MCTP2: variants seen among roughly 807,000 people sequenced by gnomAD.
MCTP2 encodes multiple C2 and transmembrane domain-containing protein 2.
A neutral mutation model predicts 111.6 loss-of-function variants in MCTP2; 132 were observed. That is an observed-to-expected ratio of 1.18 (90% CI 1.03 to 1.37). MCTP2 has a LOEUF of 1.37. Ranked by LOEUF, MCTP2 falls within the 40% of genes most tolerant of loss-of-function variation. The pLI is 0.00. For missense variants in MCTP2, 1,183 were observed against 1,067.9 expected (o/e 1.11, Z -1.50); for synonymous variants, 395 against 387.7 (o/e 1.02, Z -0.22).
chr15:94,336,394 T>C (rs2077362368), intron 4 of MCTP2, among the ~76,000 whole-genome samples: 1 of 151,940 alleles, frequency 6.6e-6, no homozygotes, highest in Non-Finnish European at 1.5e-5. Context: ...CTTTGTGTTA[T>C]ATTTCTGGGT....
chr15:94,347,849 G>A (rs528163592), intron 8 of MCTP2, among the ~76,000 whole-genome samples: 1 of 152,088 alleles, frequency 6.6e-6, no homozygotes, highest in South Asian at 2.1e-4. Flanking sequence ...ATTACTGATT[G>A]TGTTCAGAAA....
intron 7 of MCTP2, chr15:94,343,742 A>G (rs2077794870): frequency 1.3e-5 from 2 of 152,178 alleles, no homozygotes; most frequent in Non-Finnish European, 2.9e-5. Flanking sequence ...TAACCTCTCT[A>G]AGCTATAATT....
chr15:94,266,307 A>C (rs1033763547), intron 1 of MCTP2, among the ~76,000 whole-genome samples: 3 of 152,188 alleles, frequency 2.0e-5, no homozygotes, highest in African/African-American at 7.2e-5. Flanking sequence ...TGTGAATTGC[A>C]TGCAAATATT....
chr15:94,467,341 TA>T (rs1222371823), intron 20 of MCTP2, among the ~76,000 whole-genome samples: 2 of 152,058 alleles, frequency 1.3e-5, no homozygotes, highest in Admixed American at 6.6e-5. Flanking sequence ...GTCTCCACTT[TA>T]AAAAAAATTT....
intron 20 of MCTP2, among the ~76,000 whole-genome samples, chr15:94,469,779 G>A (rs997133854): frequency 1.3e-5 from 2 of 152,086 alleles, no homozygotes; most frequent in African/African-American, 4.8e-5. Flanking sequence ...GGCTAAAGCA[G>A]GAGGATCGTT....
At chr15:94,242,690 T>A (rs1211370077) in intron 1 of MCTP2, among the ~76,000 whole-genome samples, 1 of 152,018 alleles carries the variant, frequency 6.6e-6, no homozygotes, top group East Asian at 1.9e-4. Context: ...GAAAGTTTTT[T>A]TTTAAACTTT....
At chr15:94,257,197 G>A (rs1190674974) in intron 1 of MCTP2, among the ~76,000 whole-genome samples, 5 of 152,050 alleles carry the variant, frequency 3.3e-5, no homozygotes, top group South Asian at 4.1e-4. Flanking sequence ...TCTCATTCTT[G>A]TCACTTAAGT....
At chr15:94,385,548 C>A (rs767392581) in intron 14 of MCTP2, 23 bp downstream of exon 14, 3 of 1,489,404 alleles carry the variant, frequency 2.0e-6, no homozygotes, top group Admixed American at 3.3e-5. Context: ...TATTAATAAA[C>A]AATTTGTGAG....
intron 1 of MCTP2, among the ~76,000 whole-genome samples, chr15:94,259,708 A>T (rs1272046401): frequency 6.6e-6 from 1 of 152,170 alleles, no homozygotes; most frequent in Admixed American, 6.5e-5. Context: ...CTCTGTGATG[A>T]TTATTTCTAC....
chr15:94,282,494 C>T (rs925776089), intron 1 of MCTP2, among the ~76,000 whole-genome samples: 77 of 152,186 alleles, frequency 5.1e-4, no homozygotes, highest in African/African-American at 1.7e-3. Context: ...TATATCTTGA[C>T]GAGTGAGCTT....
intron 1 of MCTP2, among the ~76,000 whole-genome samples, chr15:94,247,089 A>G (rs756200953): frequency 6.6e-6 from 1 of 152,156 alleles, no homozygotes; most frequent in Non-Finnish European, 1.5e-5. Context: ...TTATTAATTT[A>G]TATTTAAAAA....
At chr15:94,332,033 C>T (rs1356782062) in intron 4 of MCTP2, among the ~76,000 whole-genome samples, 3 of 152,172 alleles carry the variant, frequency 2.0e-5, no homozygotes, top group African/African-American at 7.2e-5. Context: ...TGGATAAAAC[C>T]ACTGGCTTGG....
At chr15:94,313,711 C>A (rs959850385) in intron 2 of MCTP2, among the ~76,000 whole-genome samples, 2 of 150,164 alleles carry the variant, frequency 1.3e-5, no homozygotes, top group Admixed American at 6.7e-5. Flanking sequence ...AAAAAAAAAA[C>A]AAACAAACAA....
intron 2 of MCTP2, among the ~76,000 whole-genome samples, chr15:94,301,549 T>C (rs2075612421): frequency 6.6e-6 from 1 of 152,230 alleles, no homozygotes; most frequent in Non-Finnish European, 1.5e-5. Flanking sequence ...GTCTTTGTTT[T>C]CTAAGCGTCT....
In MCTP2 at chr15:94,483,293, G is replaced by A. The variant is rs2074816649; in HGVS notation, c.*4259G>A. 1.3e-5 allele frequency: 2 copies of A among 152,088 alleles called. No homozygotes were observed. Among genetic ancestry groups the A allele is most frequent in the Admixed American group, 1.3e-4 (2 of 15,272 alleles). 9.4% of individuals were successfully genotyped at this position (152,088 alleles called of 1,614,324 possible). The stretch of plus-strand genomic sequence containing the variant: ...TTCAACCGCTGTGGAAGACAGGGTG[G>A]GTGTTTCCTCAAAAACCTAAAGACA... On this transcript the variant is annotated 3_prime_UTR_variant, in exon 23 of 23. Transcript: ENST00000357742.
intron 21 of MCTP2, among the ~76,000 whole-genome samples, chr15:94,472,165 G>A (rs554067553): frequency 1.5e-4 from 23 of 152,216 alleles, no homozygotes; most frequent in Non-Finnish European, 3.2e-4. Flanking sequence ...ATCACCCGAG[G>A]TCAGGAGTTC....
chr15:94,334,622 A>G (rs1156904158), intron 4 of MCTP2, among the ~76,000 whole-genome samples: 1 of 152,174 alleles, frequency 6.6e-6, no homozygotes, highest in East Asian at 1.9e-4. Context: ...GGTAAACTCT[A>G]AATCTTGGGC....
chr15:94,452,496 T>A (rs1274917699), intron 19 of MCTP2, among the ~76,000 whole-genome samples: 6 of 152,216 alleles, frequency 3.9e-5, no homozygotes, highest in Non-Finnish European at 8.8e-5. Flanking sequence ...AGCATTTGCT[T>A]ATTTCTTGGG....
At chr15:94,314,147 CAGGA>C in intron 2 of MCTP2, 131 bp from the exon 3 acceptor site, 1 of 608,294 alleles carries the variant, frequency 1.6e-6, no homozygotes, top group South Asian at 2.2e-5. Context: ...GCCACACAAA[CAGGA>C]AGGCGGCCCT....
Sources: gnomAD v4.1 joint callset for allele counts (sites outside exome capture counted in the v4.1 genomes callset) on GRCh38, gnomAD v4.1.1 for gene constraint, MANE v1.5 for transcripts, NCBI Gene and HGNC (gene_info 2026-07-23, HGNC 2026-07-21) for gene names.